Variants in UCKL1 observed in about 807,000 individuals in gnomAD.
UCKL1 encodes uridine-cytidine kinase 1 like 1.
In UCKL1, 65 loss-of-function variants were observed where a neutral mutation model predicts 59.2. The ratio of observed to expected loss-of-function variants is 1.10; its 90% CI spans 0.90 to 1.35. UCKL1 has a LOEUF of 1.35. UCKL1 is among the 40% of genes most tolerant of loss of function. UCKL1 has a pLI of 0.00. For missense variants in UCKL1, 703 were observed against 784.3 expected, an observed-to-expected ratio of 0.90 and a Z score of 1.24; for synonymous variants, 410 against 323.1, an observed-to-expected ratio of 1.27 and a Z score of -2.88.
chr20:63,946,425 G>A (rs1208566121), intron 2 of UCKL1, 28 bp downstream of exon 2: 24 of 1,523,250 alleles, frequency 1.6e-5, no homozygotes, highest in Non-Finnish European at 2.1e-5. Flanking sequence ...GCGTCCGGCA[G>A]CAGGTCCCAC....
Position 63,944,548 on chromosome 20 carries a change from T to G in UCKL1, c.841A>C (p.Arg281=), listed in dbSNP as rs2055618358. Reference sequence around the variant, plus strand: ...ACAGGCAGCCCAGCAGGCTCACCTCTGGGGACCACGATGTCTGCCAGGCGC... The same window carrying G: ...ACAGGCAGCCCAGCAGGCTCACCTCGGGGGACCACGATGTCTGCCAGGCGC... ...TMRLADIVVP[R]GSGNTVAIDL... The change falls in exon 6 of 15, where the codon AGA becomes CGA. Residue 281 remains arginine (R), a synonymous_variant. Coordinates refer to ENST00000354216, the MANE Select transcript of UCKL1 (RefSeq NM_017859.4). 1 of 1,609,698 alleles carries G rather than the reference T, an allele frequency of 6.2e-7. No homozygotes were observed. Among genetic ancestry groups the G allele is most frequent in the Non-Finnish European group, 8.5e-7 (1 of 1,178,566 alleles).
chr20:63,945,531 G>A (rs116538993), intron 5 of UCKL1, 120 bp downstream of exon 5: 2 of 1,009,540 alleles, frequency 2.0e-6, no homozygotes, highest in South Asian at 1.7e-5. Context: ...GTAGGGAGTG[G>A]CTGGCCTAGG....
In UCKL1 at chr20:63,940,405, C is replaced by G; in HGVS notation, c.1383G>C (p.Ala461=). ...GGAGCACGCGCACTGCCATCATGGCCGCCGCGCCCGTGGACACGGTGCAGT... is the reference window on the plus strand; with the variant it reads ...GGAGCACGCGCACTGCCATCATGGCGGCCGCGCCCGTGGACACGGTGCAGT... ...LMDCTVSTGA[A]AMMAVRVLLD... The change falls in exon 13 of 15, where the codon GCG becomes GCC. Residue 461 remains alanine (A), a synonymous_variant. Coordinates refer to ENST00000354216, the MANE Select transcript of UCKL1 (RefSeq NM_017859.4). 6.2e-7 allele frequency: 1 copy of G among 1,611,812 alleles called. No individual in the cohort carries two copies. The highest frequency in any genetic ancestry group is 8.5e-7 in the Non-Finnish European group (1 of 1,179,252).
Position 63,950,633 on chromosome 20 carries a change from C to T in UCKL1, c.114-3990G>A, listed in dbSNP as rs575676462. 14 of 1,174,374 alleles carry T rather than the reference C, an allele frequency of 1.2e-5. No individual in the cohort carries two copies. In the South Asian group the frequency reaches 1.3e-4, roughly 11 times the overall value. The allele number at this position is 1,174,374 out of a possible 1,614,324, so 72.7% of individuals were successfully genotyped here. On this transcript the variant is annotated intron_variant, in intron 1 of 14. Transcript: ENST00000354216. Reference sequence around the variant, plus strand: ...TCGACCCTGGGCTCTGCCCGGTGCCCGAGAGCACCTGCCAGCCTGTTTGAT... The same window carrying T: ...TCGACCCTGGGCTCTGCCCGGTGCCTGAGAGCACCTGCCAGCCTGTTTGAT...
Position 63,956,397 on chromosome 20 carries a change from C to A in UCKL1, c.-25G>T, listed in dbSNP as rs767695157. On this transcript the variant is annotated 5_prime_UTR_variant, in exon 1 of 15. Coordinates refer to ENST00000354216, the MANE Select transcript of UCKL1 (RefSeq NM_017859.4). ...TGGCGCTCGGAGGCCTCTTTGCGGG[C>A]CTGGCCGGGCGGCGCGCATGGGCCG... The A allele has an allele frequency of 1.4e-6, 2 of 1,393,516 alleles. No individual in the cohort carries two copies. Among genetic ancestry groups the A allele is most frequent in the South Asian group, 3.2e-5 (2 of 62,460 alleles). 86.3% of individuals were successfully genotyped at this position (1,393,516 alleles called of 1,614,324 possible).
At chr20:63,946,068 C>A (rs372211999) in intron 3 of UCKL1, 93 bp from the exon 4 acceptor site, 1 of 1,608,924 alleles carries the variant, frequency 6.2e-7, no homozygotes, top group Non-Finnish European at 8.5e-7. Context: ...GGAGCAGCCA[C>A]GCTGGGGCTG....
chr20:63,950,715 C>T (rs1249007820), intron 1 of UCKL1: 3 of 1,476,928 alleles, frequency 2.0e-6, no homozygotes, highest in Non-Finnish European at 2.7e-6. Context: ...GACCACAGCA[C>T]AAGTGGGTGC....
intron 1 of UCKL1, chr20:63,951,286 C>T: frequency 6.1e-6 from 5 of 818,206 alleles, no homozygotes; most frequent in Non-Finnish European, 7.4e-6. Flanking sequence ...CTGCCCCCTC[C>T]TGTGTGTGGG....
intron 1 of UCKL1, chr20:63,955,383 G>GAA (rs768443723): frequency 6.6e-5 from 10 of 152,208 alleles, no homozygotes; most frequent in Non-Finnish European, 1.5e-4. Context: ...AGGGCCAGGG[G>GAA]AAAGCTCTTT....
chr20:63,945,441 C>G (rs1326741969), intron 5 of UCKL1, among the ~76,000 whole-genome samples: 2 of 152,262 alleles, frequency 1.3e-5, no homozygotes, highest in Non-Finnish European at 2.9e-5. Context: ...GGAGAGGAAC[C>G]ACTGCCTCAG....
Position 63,940,158 on chromosome 20 carries a change from G to A in UCKL1, c.1559C>T (p.Pro520Leu). The A allele has an allele frequency of 6.2e-7, 1 of 1,612,694 alleles. No homozygotes were observed. ...GGCCCGGGCAGCCTCACCAATGCCT[G>A]GGATGATGCGGAAAAGGTCATTGAC... is the stretch of plus-strand genomic sequence containing the variant. The part of the protein sequence containing the change: ...KRVNDLFRII[P>L]GIGNFGDRYF... The change falls in exon 14 of 15, where the codon CCA becomes CTA. Residue 520 changes from proline to leucine, a missense_variant. This residue lies in a region of UCKL1 where 124 missense variants were observed against 161.1 expected (regional missense o/e 0.77). Transcript: ENST00000354216.
intron 8 of UCKL1, 160 bp from the exon 9 acceptor site, chr20:63,941,368 G>T: frequency 8.7e-7 from 1 of 1,148,062 alleles, no homozygotes; most frequent in Non-Finnish European, 1.2e-6. Flanking sequence ...GAGCTGGGGG[G>T]AGACGTCGCC....
rs908037261 is a variant in UCKL1, at chr20:63,950,573, C to T, written c.114-3930G>A. On this transcript the variant is annotated intron_variant, in intron 1 of 14. Transcript: ENST00000354216. ...AGCCGTAACCAACACAAGAGAGACG[C>T]GCCCAGACCAACAGCCTCAAGCAAA... is the stretch of plus-strand genomic sequence containing the variant. 3.3e-5 allele frequency among the ~76,000 whole-genome samples: 5 copies of T among 152,226 alleles called. No individual in the cohort carries two copies. In the South Asian group the frequency reaches 6.2e-4, roughly 19 times the overall value.
chr20:63,946,016 G>GCC, intron 3 of UCKL1, 41 bp from the exon 4 acceptor site: 1 of 1,612,438 alleles, frequency 6.2e-7, no homozygotes, highest in Non-Finnish European at 8.5e-7. Flanking sequence ...GCACAGTAGG[G>GCC]CCCTCACCCA....
chr20:63,943,977 G>A (rs757630095), intron 7 of UCKL1, among the ~76,000 whole-genome samples: 7 of 152,234 alleles, frequency 4.6e-5, no homozygotes, highest in Non-Finnish European at 5.9e-5. Flanking sequence ...AATGCCTCAG[G>A]GAGCAGGGGA....
chr20:63,946,360 G>A (rs936966583), intron 2 of UCKL1, 93 bp from the exon 3 acceptor site: 57 of 1,528,502 alleles, frequency 3.7e-5, no homozygotes, highest in East Asian at 4.9e-5. Context: ...CGCTGCCTGC[G>A]GTTGCCCGGC....
At chr20:63,950,541 G>A (rs952745985) in intron 1 of UCKL1, among the ~76,000 whole-genome samples, 1 of 152,192 alleles carries the variant, frequency 6.6e-6, no homozygotes, top group African/African-American at 2.4e-5. Flanking sequence ...CAACCCGGAG[G>A]GTTCCAAGCC....
At chr20:63,945,571 G>A in intron 5 of UCKL1, 80 bp downstream of exon 5, 4 of 1,463,626 alleles carry the variant, frequency 2.7e-6, no homozygotes, top group Non-Finnish European at 2.8e-6. Flanking sequence ...TTGGGGACAG[G>A]GCAGGAGGAC....
At chr20:63,948,806 G>C (rs2057087868) in intron 1 of UCKL1, among the ~76,000 whole-genome samples, 2 of 151,876 alleles carry the variant, frequency 1.3e-5, no homozygotes. Flanking sequence ...TGTCACATTT[G>C]AATGTTTTTA....
Sources: allele counts gnomAD v4.1 joint callset (sites outside exome capture counted in the v4.1 genomes callset), GRCh38; gene constraint gnomAD v4.1.1; regional missense constraint gnomAD v4.1.1; transcripts MANE v1.5; gene names NCBI Gene and HGNC (gene_info 2026-07-23, HGNC 2026-07-21).